The following DAB1 variants were observed in gnomAD, a reference collection of about 807,000 sequenced individuals.
DAB1 encodes disabled homolog 1.
Under a neutral mutation model 64.6 loss-of-function variants are expected in DAB1, and 15 were observed. The observed-to-expected ratio is 0.23, with a 90% CI of 0.16 to 0.36. The LOEUF (loss-of-function observed/expected upper bound fraction) is 0.36, where lower values mean the gene tolerates loss of function less well. Ranked by LOEUF, DAB1 falls within the 10% of genes least tolerant of loss-of-function variation. The probability of loss-of-function intolerance (pLI) is 1.00; values close to 1 mark genes in which losing one functional copy is unlikely to be tolerated. For synonymous variants in DAB1, 235 were observed against 251.9 expected (o/e 0.93, Z 0.64); for missense variants, 596 against 706.7 (o/e 0.84, Z 1.78).
chr1:58,313,278 G>A (rs1174225110), intron 4 of DAB1, among the ~76,000 whole-genome samples: 1 of 152,156 alleles, frequency 6.6e-6, no homozygotes, highest in Non-Finnish European at 1.5e-5. Flanking sequence ...AAATTGTAGG[G>A]GGAAAATGTG....
chr1:57,785,030 A>G (rs1445239138), intron 6 of DAB1, among the ~76,000 whole-genome samples: 1 of 152,172 alleles, frequency 6.6e-6, no homozygotes, highest in East Asian at 1.9e-4. Context: ...GTTGAAACCA[A>G]TACTCATTTA....
intron 2 of DAB1, among the ~76,000 whole-genome samples, chr1:58,518,570 A>C (rs1363718155): frequency 6.6e-6 from 1 of 151,808 alleles, no homozygotes; most frequent in Non-Finnish European, 1.5e-5. Context: ...TATTTTATAG[A>C]TAGAACTGCC....
At chr1:57,099,290 T>C (rs1173824482) in intron 4 of DAB1, among the ~76,000 whole-genome samples, 3 of 152,198 alleles carry the variant, frequency 2.0e-5, no homozygotes, top group Admixed American at 1.3e-4. Context: ...ATAGGGTTGA[T>C]TGTAGGAATT....
At chr1:57,469,669 G>T (rs1192299472) in intron 7 of DAB1, among the ~76,000 whole-genome samples, 1 of 152,042 alleles carries the variant, frequency 6.6e-6, no homozygotes. Flanking sequence ...TCTTAGCCTT[G>T]TCATTTGAAC....
At chr1:57,186,673 G>A (rs1663597840) in intron 2 of DAB1, among the ~76,000 whole-genome samples, 1 of 152,174 alleles carries the variant, frequency 6.6e-6, no homozygotes. Context: ...TTACCCCACA[G>A]AGGCATATTA....
intron 4 of DAB1, among the ~76,000 whole-genome samples, chr1:57,113,440 GCAGACTT>G (rs1655837422): frequency 1.3e-5 from 2 of 152,110 alleles, no homozygotes; most frequent in African/African-American, 4.8e-5. Context: ...TTAGGGGTTG[GCAGACTT>G]TTTCTGCAAA....
intron 7 of DAB1, among the ~76,000 whole-genome samples, chr1:57,569,905 T>A (rs1042619926): frequency 1.3e-5 from 2 of 152,190 alleles, no homozygotes; most frequent in Non-Finnish European, 2.9e-5. Context: ...AGGATAGTTG[T>A]ATTATGTTAG....
intron 2 of DAB1, among the ~76,000 whole-genome samples, chr1:57,186,659 G>C (rs186034916): frequency 1.1e-3 from 171 of 152,288 alleles, no homozygotes; most frequent in Non-Finnish European, 2.1e-3. Flanking sequence ...GCACGCGTCA[G>C]CATTTACCCC....
intron 7 of DAB1, among the ~76,000 whole-genome samples, chr1:57,454,104 T>C (rs58320803): frequency 0.034 from 5,196 of 152,240 alleles, 299 homozygotes; most frequent in African/African-American, 0.11. Flanking sequence ...AGGTTTACTA[T>C]GCCAAGTTCT....
At chr1:57,025,909 A>G in intron 10 of DAB1, 72 bp downstream of exon 10, 1 of 1,260,054 alleles carries the variant, frequency 7.9e-7, no homozygotes, top group Non-Finnish European at 1.1e-6. Context: ...CAAAGCCCAT[A>G]TTCTGGCCAC....
intron 6 of DAB1, among the ~76,000 whole-genome samples, chr1:57,775,924 T>A (rs1457229515): frequency 6.6e-6 from 1 of 151,756 alleles, no homozygotes; most frequent in Non-Finnish European, 1.5e-5. Flanking sequence ...AATTTAAAAT[T>A]GTGATATCTT....
chr1:57,686,715 A>T (rs1408506111), intron 6 of DAB1, among the ~76,000 whole-genome samples: 1 of 152,198 alleles, frequency 6.6e-6, no homozygotes, highest in Non-Finnish European at 1.5e-5. Flanking sequence ...ATGATCAAGT[A>T]GGCTTTATTT....
At chr1:57,729,307 C>A (rs186858289) in intron 6 of DAB1, among the ~76,000 whole-genome samples, 1 of 152,238 alleles carries the variant, frequency 6.6e-6, no homozygotes, top group South Asian at 2.1e-4. Context: ...CTGGCTACTA[C>A]TGGAGGCAGC....
At chr1:57,599,842 A>G (rs1645555443) in intron 7 of DAB1, among the ~76,000 whole-genome samples, 1 of 152,094 alleles carries the variant, frequency 6.6e-6, no homozygotes, top group African/African-American at 2.4e-5. Flanking sequence ...CATTGCTCAG[A>G]TAGCTCCTCC....
chr1:57,331,115 A>G (rs1462877164), intron 1 of DAB1, among the ~76,000 whole-genome samples: 1 of 152,192 alleles, frequency 6.6e-6, no homozygotes, highest in Non-Finnish European at 1.5e-5. Context: ...CTGAACAAGT[A>G]AGCACCTAAA....
At position 57,720,546 on chromosome 1, in the gene DAB1, C is replaced by G. The variant is rs149864122; in HGVS notation, n.552-70881G>C. ...TAATCAGATGGCCCTGGGAATTTAT[C>G]TTAGCACTGCCATGTGGCACCTGTG... On this transcript the variant is annotated intron_variant and non_coding_transcript_variant, in intron 6 of 20. Transcript: ENST00000485760. Among the ~76,000 whole-genome samples the G allele has an allele frequency of 4.2e-3, 647 of 152,310 alleles. 7 individuals are homozygous for G. The highest frequency in any genetic ancestry group is 0.015 in the African/African-American group (616 of 41,572).
intron 2 of DAB1, among the ~76,000 whole-genome samples, chr1:57,274,875 C>T (rs116050392): frequency 0.018 from 2,482 of 134,168 alleles, 65 homozygotes; most frequent in African/African-American, 0.065. Flanking sequence ...AGCCACCGCG[C>T]TCAGCCAAAT....
In DAB1 at chr1:57,842,776, C is replaced by G. The variant is rs989860206; in HGVS notation, n.88-16321G>C. Among the ~76,000 whole-genome samples the G allele has an allele frequency of 2.0e-4, 31 of 152,336 alleles. 1 individual carries two copies. Among genetic ancestry groups the G allele is most frequent in the Admixed American group, 1.6e-3 (25 of 15,306 alleles). ...CCAATCACCTCCCACCAGGTCCTTT[C>G]CTCCACATGTGAGGATTACAATTCT... On this transcript the variant is annotated intron_variant and non_coding_transcript_variant, in intron 1 of 1. Coordinates refer to the DAB1 transcript ENST00000477280.
intron 6 of DAB1, among the ~76,000 whole-genome samples, chr1:57,685,227 T>C (rs112345884): frequency 0.021 from 3,156 of 151,682 alleles, 116 homozygotes; most frequent in African/African-American, 0.072. Flanking sequence ...GCTGGGATTA[T>C]AGGCATGAGC....
Sources: gnomAD v4.1 joint callset for allele counts (sites outside exome capture counted in the v4.1 genomes callset) on GRCh38, gnomAD v4.1.1 for gene constraint, MANE v1.5 for transcripts, NCBI Gene and HGNC (gene_info 2026-07-23, HGNC 2026-07-21) for gene names.